Variants in NCKAP5 observed in about 807,000 individuals in gnomAD.
The protein encoded by NCKAP5 is nck-associated protein 5.
Under a neutral mutation model 167.0 loss-of-function variants are expected in NCKAP5, and 92 were observed. The ratio of observed to expected loss-of-function variants is 0.55; its 90% CI spans 0.47 to 0.66. The LOEUF (loss-of-function observed/expected upper bound fraction) is 0.66, where lower values mean the gene tolerates loss of function less well. Ranked by LOEUF, NCKAP5 falls within the 30% of genes least tolerant of loss-of-function variation. The pLI is 0.00. For missense variants in NCKAP5, 2,378 were observed against 2,315.0 expected, an observed-to-expected ratio of 1.03 and a Z score of -0.56; for synonymous variants, 891 against 877.4, an observed-to-expected ratio of 1.02 and a Z score of -0.27.
chr2:132,758,152 A>T (rs999965565), intron 16 of NCKAP5, among the ~76,000 whole-genome samples: 1 of 152,122 alleles, frequency 6.6e-6, no homozygotes, highest in Non-Finnish European at 1.5e-5. Context: ...TTTGCAGTAA[A>T]CCTTTCTCTG....
intron 3 of NCKAP5, among the ~76,000 whole-genome samples, chr2:133,506,389 C>G (rs376548380): frequency 1.2e-4 from 19 of 152,186 alleles, no homozygotes; most frequent in Non-Finnish European, 2.6e-4. Flanking sequence ...GCTGGATACA[C>G]TCGTTTGGCC....
chr2:133,662,229 A>T, the NCKAP5 span, among the ~76,000 whole-genome samples: 1 of 152,142 alleles, frequency 6.6e-6, no homozygotes, highest in Non-Finnish European at 1.5e-5. Context: ...TTGATGAAAA[A>T]TCCACCTTAC....
At chr2:133,326,951 C>T (rs1222558920) in intron 3 of NCKAP5, among the ~76,000 whole-genome samples, 1 of 152,230 alleles carries the variant, frequency 6.6e-6, no homozygotes, top group Admixed American at 6.5e-5. Context: ...GCTGCTGCTG[C>T]TGCTGCCGCC....
At chr2:132,878,312 T>C (rs1438120576) in intron 9 of NCKAP5, among the ~76,000 whole-genome samples, 1 of 152,176 alleles carries the variant, frequency 6.6e-6, no homozygotes, top group Non-Finnish European at 1.5e-5. Context: ...CTGCTCCAAT[T>C]TTCTTCCTCA....
rs1447010671 is a variant in NCKAP5 at position 133,311,666 on chromosome 2, A to T, written c.70-8556T>A. ...AACAAAAGATGATCCTATCACCCAG[A>T]AAATTCTAAGGGATTTAAGAGCTCT... On this transcript the variant is annotated intron_variant, in intron 3 of 19. Coordinates refer to ENST00000409261, the MANE Select transcript of NCKAP5 (RefSeq NM_207363.3). 3.3e-5 allele frequency among the ~76,000 whole-genome samples: 5 copies of T among 152,290 alleles called. No individual in the cohort carries two copies. The East Asian group carries it at 9.7e-4, about 29-fold the overall frequency.
At chr2:133,022,522 G>C (rs2078562003) in intron 6 of NCKAP5, among the ~76,000 whole-genome samples, 1 of 152,138 alleles carries the variant, frequency 6.6e-6, no homozygotes, top group Non-Finnish European at 1.5e-5. Context: ...CAGCTGTCAT[G>C]AATCTCCTCT....
At chr2:133,127,562 A>G (rs2082443347) in intron 6 of NCKAP5, among the ~76,000 whole-genome samples, 1 of 152,174 alleles carries the variant, frequency 6.6e-6, no homozygotes, top group African/African-American at 2.4e-5. Context: ...TCTGTAGGGG[A>G]TTGGCATCTG....
At chr2:133,601,193 G>A in the NCKAP5 span, among the ~76,000 whole-genome samples, 6 of 152,336 alleles carry the variant, frequency 3.9e-5, no homozygotes, top group East Asian at 1.2e-3. Flanking sequence ...GCAGGACAGA[G>A]AACCATCTTT....
chr2:132,887,429 T>C (rs892081120), intron 8 of NCKAP5, among the ~76,000 whole-genome samples: 1 of 150,532 alleles, frequency 6.6e-6, no homozygotes, highest in South Asian at 2.1e-4. Context: ...TTGTGGCTTT[T>C]GCCATTACTT....
intron 16 of NCKAP5, among the ~76,000 whole-genome samples, chr2:132,752,072 G>A (rs1476473618): frequency 6.6e-6 from 1 of 152,230 alleles, no homozygotes; most frequent in Non-Finnish European, 1.5e-5. Flanking sequence ...AACTCTCACT[G>A]ATTTTAGCAG....
the NCKAP5 span, among the ~76,000 whole-genome samples, chr2:133,667,450 G>A: frequency 6.6e-6 from 1 of 151,874 alleles, no homozygotes; most frequent in Non-Finnish European, 1.5e-5. Context: ...CTCAGTCTCT[G>A]GTAGGATCAT....
At chr2:133,426,774 G>GT (rs1689835548) in intron 3 of NCKAP5, among the ~76,000 whole-genome samples, 1 of 152,172 alleles carries the variant, frequency 6.6e-6, no homozygotes, top group South Asian at 2.1e-4. Context: ...CCATACTAAT[G>GT]TAAGATGTTA....
intron 11 of NCKAP5, among the ~76,000 whole-genome samples, chr2:132,807,889 G>C (rs1489959879): frequency 6.6e-6 from 1 of 152,068 alleles, no homozygotes. Context: ...GTTGGCTGTG[G>C]GATGGTCATA....
At chr2:132,802,166 C>T (rs1048376153) in intron 11 of NCKAP5, among the ~76,000 whole-genome samples, 7 of 152,192 alleles carry the variant, frequency 4.6e-5, no homozygotes, top group Admixed American at 2.0e-4. Context: ...CCAACAGCTG[C>T]CCTGGCTGCT....
intron 2 of NCKAP5, among the ~76,000 whole-genome samples, chr2:133,536,534 G>A (rs1314429561): frequency 6.6e-6 from 1 of 151,948 alleles, no homozygotes; most frequent in South Asian, 2.1e-4. Context: ...GTTTTGGCCA[G>A]TATAGCCTTG....
chr2:133,597,254 G>A, the NCKAP5 span, among the ~76,000 whole-genome samples: 1 of 152,090 alleles, frequency 6.6e-6, no homozygotes, highest in Non-Finnish European at 1.5e-5. Context: ...GGACATCTGC[G>A]AAGGCTGGAC....
intron 8 of NCKAP5, among the ~76,000 whole-genome samples, chr2:132,951,082 G>A (rs2076172615): frequency 6.6e-6 from 1 of 152,170 alleles, no homozygotes; most frequent in South Asian, 2.1e-4. Context: ...TTAAAAATAT[G>A]TCTTCTTTAC....
chr2:132,806,063 A>G (rs1045982790), intron 11 of NCKAP5, among the ~76,000 whole-genome samples: 2 of 152,172 alleles, frequency 1.3e-5, no homozygotes, highest in Non-Finnish European at 2.9e-5. Flanking sequence ...CATTTATAAT[A>G]ACAGTCTCCA....
At chr2:133,192,596 A>G (rs2085274903) in intron 5 of NCKAP5, among the ~76,000 whole-genome samples, 2 of 152,080 alleles carry the variant, frequency 1.3e-5, no homozygotes, top group Non-Finnish European at 2.9e-5. Flanking sequence ...GCAAAAAGAC[A>G]TGTAGAGACA....
Sources: gnomAD v4.1 joint callset for allele counts (sites outside exome capture counted in the v4.1 genomes callset) on GRCh38, gnomAD v4.1.1 for gene constraint, MANE v1.5 for transcripts, NCBI Gene and HGNC (gene_info 2026-07-23, HGNC 2026-07-21) for gene names.